The following ARHGAP31 variants were observed in gnomAD, a reference collection of about 807,000 sequenced individuals.
ARHGAP31 encodes rho GTPase-activating protein 31.
In ARHGAP31, 34 loss-of-function variants were observed where a neutral mutation model predicts 113.9. The ratio of observed to expected loss-of-function variants is 0.30; its 90% CI spans 0.23 to 0.40. ARHGAP31 has a LOEUF of 0.40. Ranked by LOEUF, ARHGAP31 falls within the 10% of genes least tolerant of loss-of-function variation. ARHGAP31 has a pLI of 1.00. For missense variants in ARHGAP31, 1,548 were observed against 1,767.1 expected, an observed-to-expected ratio of 0.88 and a Z score of 2.22; for synonymous variants, 650 against 684.8, an observed-to-expected ratio of 0.95 and a Z score of 0.79.
At chr3:119,348,214 T>C (rs2080077688) in intron 1 of ARHGAP31, among the ~76,000 whole-genome samples, 1 of 152,264 alleles carries the variant, frequency 6.6e-6, no homozygotes, top group African/African-American at 2.4e-5. Context: ...GATCTGTCAC[T>C]GCATATATTA....
chr3:119,300,855 AAAG>A (rs2079577736), intron 1 of ARHGAP31, among the ~76,000 whole-genome samples: 1 of 139,126 alleles, frequency 7.2e-6, no homozygotes, highest in Admixed American at 6.9e-5. Flanking sequence ...AGAAAGAAAG[AAAG>A]AAAGAAAGAA....
intron 3 of ARHGAP31, among the ~76,000 whole-genome samples, chr3:119,369,353 G>T (rs1484434489): frequency 6.6e-6 from 1 of 151,576 alleles, no homozygotes. Context: ...GTGTAGATAC[G>T]AAAAGAAGTG....
chr3:119,371,623 C>A (rs946833599), intron 3 of ARHGAP31, among the ~76,000 whole-genome samples: 1 of 152,206 alleles, frequency 6.6e-6, no homozygotes, highest in Non-Finnish European at 1.5e-5. Context: ...CTCAAACCTA[C>A]TTGCACAGCT....
chr3:119,403,744 A>C (rs1296741444), intron 10 of ARHGAP31, among the ~76,000 whole-genome samples: 3 of 152,220 alleles, frequency 2.0e-5, no homozygotes, highest in African/African-American at 7.2e-5. Context: ...GGGTTTCTCC[A>C]TGCAGAAAAG....
At position 119,356,435 on chromosome 3, in the gene ARHGAP31, A is replaced by T. The variant is rs148202208; in HGVS notation, c.101-8881A>T. Among the ~76,000 whole-genome samples, 1,384 of 152,214 alleles carry T rather than the reference A, an allele frequency of 9.1e-3. 18 individuals carry two copies. The highest frequency in any genetic ancestry group is 0.029 in the African/African-American group (1,223 of 41,526). ...CACCTGAGGTCGGGAGTTCAAGACC[A>T]GCCTGGCCAACATAGTGAAACCCAG... On this transcript the variant is annotated intron_variant, in intron 1 of 11. Coordinates refer to ENST00000264245, the MANE Select transcript of ARHGAP31 (RefSeq NM_020754.4).
intron 4 of ARHGAP31, among the ~76,000 whole-genome samples, chr3:119,381,842 C>T (rs999848379): frequency 3.9e-5 from 6 of 152,120 alleles, no homozygotes; most frequent in East Asian, 3.9e-4. Context: ...AAAAATTAGC[C>T]GGGCGTGGTG....
intron 3 of ARHGAP31, among the ~76,000 whole-genome samples, chr3:119,370,005 G>GTCCAAA (rs1405827374): frequency 3.3e-5 from 5 of 151,926 alleles, no homozygotes; most frequent in Admixed American, 3.3e-4. Context: ...TTAAAAAATG[G>GTCCAAA]GCATAAATGT....
intron 1 of ARHGAP31, among the ~76,000 whole-genome samples, chr3:119,360,391 T>C (rs2080195082): frequency 6.6e-6 from 1 of 152,196 alleles, no homozygotes; most frequent in Admixed American, 6.5e-5. Context: ...AAAACACAAA[T>C]GCCATTTGCA....
At position 119,419,555 on chromosome 3, in the gene ARHGAP31, T is replaced by TAG. The variant is rs1420220900; in HGVS notation, c.*3292_*3293dup. ...AGCACTCCCAAATCATTCAAGAGTC[T>TAG]AGTGAAAAAGGGGGAGGGATGGCAG... On this transcript the variant is annotated 3_prime_UTR_variant, in exon 12 of 12. Coordinates refer to ENST00000264245, the MANE Select transcript of ARHGAP31 (RefSeq NM_020754.4). The TAG allele has an allele frequency of 2.0e-5, 3 of 152,048 alleles. No homozygotes were observed. The highest frequency in any genetic ancestry group is 4.4e-5 in the Non-Finnish European group (3 of 68,006). 9.4% of individuals were successfully genotyped at this position (152,048 alleles called of 1,614,324 possible).
chr3:119,412,358 A>C lies in ARHGAP31; in HGVS notation c.1927-1498A>C, dbSNP rs570347922. On this transcript the variant is annotated intron_variant, in intron 11 of 11. Transcript: ENST00000264245. ...AGCCGAAATCATGCCACTGCACTCCAGCCTGGGTGACAAAAGTGAAACTCT... is the reference window on the plus strand; with the variant it reads ...AGCCGAAATCATGCCACTGCACTCCCGCCTGGGTGACAAAAGTGAAACTCT... Among the ~76,000 whole-genome samples the C allele has an allele frequency of 3.3e-5, 5 of 152,018 alleles. No individual in the cohort carries two copies. The South Asian group carries it at 6.2e-4, about 19-fold the overall frequency.
At chr3:119,350,200 C>A (rs1294474259) in intron 1 of ARHGAP31, among the ~76,000 whole-genome samples, 1 of 152,076 alleles carries the variant, frequency 6.6e-6, no homozygotes, top group Non-Finnish European at 1.5e-5. Context: ...TTGTTTTCAG[C>A]AGGAAAGAGA....
chr3:119,340,276 G>T (rs1032810348), intron 1 of ARHGAP31, among the ~76,000 whole-genome samples: 61 of 152,298 alleles, frequency 4.0e-4, no homozygotes, highest in South Asian at 1.2e-3. Flanking sequence ...CACACATGAA[G>T]GGTCTAGTGT....
intron 3 of ARHGAP31, among the ~76,000 whole-genome samples, chr3:119,377,943 G>A (rs567168495): frequency 2.4e-4 from 37 of 152,288 alleles, no homozygotes; most frequent in Non-Finnish European, 4.0e-4. Context: ...TGACAGGGCT[G>A]CCCGGGCAGC....
intron 1 of ARHGAP31, among the ~76,000 whole-genome samples, chr3:119,332,662 C>CACAT (rs1427351381): frequency 2.0e-5 from 3 of 150,930 alleles, no homozygotes; most frequent in African/African-American, 7.3e-5. Flanking sequence ...CACACACACA[C>CACAT]ACACACACAC....
rs111469197 is a variant in ARHGAP31, at chr3:119,376,109, C to T, written c.349-4795C>T. Among the ~76,000 whole-genome samples, 469 of 146,490 alleles carry T rather than the reference C, an allele frequency of 3.2e-3. 3 individuals are homozygous for T. Among genetic ancestry groups the T allele is most frequent in the African/African-American group, 0.012 (457 of 39,078 alleles). On this transcript the variant is annotated intron_variant, in intron 3 of 11. Coordinates refer to ENST00000264245, the MANE Select transcript of ARHGAP31 (RefSeq NM_020754.4). ...TTTATTTTATTTATTGTTGTGTTTC[C>T]CTGCTTGCTAGCTTCTGGAAAATGT...
intron 1 of ARHGAP31, among the ~76,000 whole-genome samples, chr3:119,326,920 T>C (rs1198166460): frequency 6.6e-6 from 1 of 152,174 alleles, no homozygotes; most frequent in Non-Finnish European, 1.5e-5. Context: ...GGTGGATCAC[T>C]TGAGCTCACA....
chr3:119,399,001 C>G (rs2080576004), intron 8 of ARHGAP31, among the ~76,000 whole-genome samples, 198 bp from the exon 9 acceptor site: 1 of 152,088 alleles, frequency 6.6e-6, no homozygotes, highest in Admixed American at 6.5e-5. Flanking sequence ...TATAACTGCC[C>G]TGAGTTTATT....
chr3:119,375,532 T>C lies in ARHGAP31; in HGVS notation c.349-5372T>C, dbSNP rs114730180. ...TTAATTTAACCACATCTGCAAAGACTCGTTTCCAAATAAGGTAACACAGGT... is the reference window on the plus strand; with the variant it reads ...TTAATTTAACCACATCTGCAAAGACCCGTTTCCAAATAAGGTAACACAGGT... On this transcript the variant is annotated intron_variant, in intron 3 of 11. Coordinates refer to ENST00000264245, the MANE Select transcript of ARHGAP31 (RefSeq NM_020754.4). 5.1e-3 allele frequency among the ~76,000 whole-genome samples: 780 copies of C among 152,358 alleles called. 4 individuals are homozygous for C. The highest frequency in any genetic ancestry group is 0.018 in the African/African-American group (744 of 41,576).
At chr3:119,338,338 T>C (rs1240218854) in intron 1 of ARHGAP31, among the ~76,000 whole-genome samples, 2 of 152,204 alleles carry the variant, frequency 1.3e-5, no homozygotes, top group Non-Finnish European at 2.9e-5. Context: ...CTCATACTCA[T>C]TTAAGTAGTT....
Sources: gnomAD v4.1 joint callset for allele counts (sites outside exome capture counted in the v4.1 genomes callset) on GRCh38, gnomAD v4.1.1 for gene constraint, MANE v1.5 for transcripts, NCBI Gene and HGNC (gene_info 2026-07-23, HGNC 2026-07-21) for gene names.